The following TMEM182 variants were observed in gnomAD, a reference collection of about 807,000 sequenced individuals.
The protein encoded by TMEM182 is transmembrane protein 182.
Under a neutral mutation model 26.8 loss-of-function variants are expected in TMEM182, and 20 were observed. The ratio of observed to expected loss-of-function variants is 0.75; its 90% CI spans 0.53 to 1.09. TMEM182 has a LOEUF of 1.09. Ranked by LOEUF, TMEM182 falls within the 50% of genes least tolerant of loss-of-function variation. The pLI is 0.00. For synonymous variants in TMEM182, 109 were observed against 102.2 expected (o/e 1.07, Z -0.40); for missense variants, 277 against 275.5 (o/e 1.01, Z -0.04).
intron 3 of TMEM182, among the ~76,000 whole-genome samples, chr2:102,779,642 T>G (rs1218037351): frequency 6.6e-6 from 1 of 152,202 alleles, no homozygotes; most frequent in Non-Finnish European, 1.5e-5. Context: ...ATTTTAGTAA[T>G]TATATCTTCC....
At chr2:102,838,748 C>T (rs763626328) in intron 3 of TMEM182, among the ~76,000 whole-genome samples, 34 of 152,008 alleles carry the variant, frequency 2.2e-4, no homozygotes, top group African/African-American at 8.0e-4. Context: ...GTGGAATGGC[C>T]TGTGGTGAAA....
chr2:102,772,927 T>C (rs1680740653), intron 3 of TMEM182, among the ~76,000 whole-genome samples: 1 of 150,998 alleles, frequency 6.6e-6, no homozygotes, highest in Non-Finnish European at 1.5e-5. Flanking sequence ...AAACACTTTC[T>C]GCTCTCTGAA....
At chr2:102,802,676 T>C (rs1682193764) in intron 4 of TMEM182, among the ~76,000 whole-genome samples, 1 of 152,216 alleles carries the variant, frequency 6.6e-6, no homozygotes, top group Admixed American at 6.5e-5. Flanking sequence ...CATTGGCTTA[T>C]ATGAAGAAAA....
chr2:102,747,867 T>C (rs912951349), intron 1 of TMEM182, among the ~76,000 whole-genome samples: 1 of 152,188 alleles, frequency 6.6e-6, no homozygotes, highest in African/African-American at 2.4e-5. Flanking sequence ...AGATGGAAAA[T>C]GCATTTGTCA....
At chr2:102,746,707 G>A (rs1679710604) in intron 1 of TMEM182, among the ~76,000 whole-genome samples, 1 of 152,002 alleles carries the variant, frequency 6.6e-6, no homozygotes, top group African/African-American at 2.4e-5. Flanking sequence ...TCTTGCCTCA[G>A]CCTCTCGAGT....
At chr2:102,804,140 C>CT (rs918994492) in intron 4 of TMEM182, among the ~76,000 whole-genome samples, 1 of 151,014 alleles carries the variant, frequency 6.6e-6, no homozygotes, top group Non-Finnish European at 1.5e-5. Context: ...ATTTTAGTTT[C>CT]TTTTTTTATT....
chr2:102,829,465 G>A (rs1038799371), intron 3 of TMEM182, among the ~76,000 whole-genome samples: 10 of 152,042 alleles, frequency 6.6e-5, no homozygotes, highest in East Asian at 1.9e-4. Flanking sequence ...TTCTCTTTTC[G>A]CCCCCATCTC....
At chr2:102,767,023 G>A (rs1222863926) in intron 3 of TMEM182, among the ~76,000 whole-genome samples, 2 of 152,156 alleles carry the variant, frequency 1.3e-5, no homozygotes, top group African/African-American at 4.8e-5. Context: ...CTTATTGGCA[G>A]AGCCAGTGCA....
At chr2:102,832,370 G>A (rs905385184) in intron 3 of TMEM182, among the ~76,000 whole-genome samples, 3 of 152,102 alleles carry the variant, frequency 2.0e-5, no homozygotes, top group South Asian at 2.1e-4. Flanking sequence ...AATTCTCATC[G>A]AAAAAGACCT....
chr2:102,795,471 C>G (rs1024299733), intron 3 of TMEM182, among the ~76,000 whole-genome samples: 10 of 152,146 alleles, frequency 6.6e-5, no homozygotes, highest in Non-Finnish European at 1.5e-4. Context: ...AGGCAATCAA[C>G]CAACCCAATC....
intron 1 of TMEM182, among the ~76,000 whole-genome samples, chr2:102,748,060 C>T (rs749988181): frequency 3.3e-5 from 5 of 152,160 alleles, no homozygotes; most frequent in Admixed American, 6.5e-5. Context: ...CCTTCCATTT[C>T]GTAGCTCTCG....
At position 102,762,313 on chromosome 2, in the gene TMEM182, T is replaced by TG; in HGVS notation, c.97dup (p.Ala33GlyfsTer3). 1 of 1,613,978 alleles carries TG rather than the reference T, an allele frequency of 6.2e-7. No homozygotes were observed. Among genetic ancestry groups the TG allele is most frequent in the Non-Finnish European group, 8.5e-7 (1 of 1,179,926 alleles). ...CTTTTGGATCGGATTATTGGCTTCT[T>TG]GCAACTGAAGTGGGGAGATGTTCAG... On this transcript the variant is annotated frameshift_variant, in exon 1 of 5. Transcript: ENST00000412401. LOFTEE classifies it high-confidence loss of function.
chr2:102,838,058 G>A (rs1683279359), intron 3 of TMEM182, among the ~76,000 whole-genome samples: 1 of 152,212 alleles, frequency 6.6e-6, no homozygotes, highest in Non-Finnish European at 1.5e-5. Flanking sequence ...CCCGGAAGCT[G>A]GCCCTGCCCC....
In TMEM182 at chr2:102,764,330, C is replaced by T; in HGVS notation, c.234C>T (p.Thr78=). 6.2e-7 allele frequency: 1 copy of T among 1,613,712 alleles called. No homozygotes were observed. The highest frequency in any genetic ancestry group is 8.5e-7 in the Non-Finnish European group (1 of 1,179,762). ...NDSNIWKFWY[T]NQPPSKNCTH... ...CCATTGTTTTGCTGTTCTTCCTAGC[C>T]AATCAGCCACCGTCCAAGAACTGCA... Residue 78 remains threonine, a splice_region_variant and synonymous_variant, in exon 3 of 5, where the codon ACC becomes ACT. Transcript: ENST00000412401.
downstream of TMEM182, among the ~76,000 whole-genome samples, chr2:102,822,148 G>A (rs1682933220): frequency 6.6e-6 from 1 of 152,080 alleles, no homozygotes; most frequent in Non-Finnish European, 1.5e-5. Flanking sequence ...TTTAAAAACA[G>A]TTAGATTAGG....
intron 3 of TMEM182, among the ~76,000 whole-genome samples, chr2:102,842,325 A>T (rs766905186): frequency 6.6e-6 from 1 of 152,054 alleles, no homozygotes; most frequent in East Asian, 1.9e-4. Flanking sequence ...GATCACCTCA[A>T]TTTCTCCTTC....
chr2:102,799,531 T>G (rs1248872298), intron 4 of TMEM182, among the ~76,000 whole-genome samples: 1 of 152,192 alleles, frequency 6.6e-6, no homozygotes, highest in Middle Eastern at 3.2e-3. Context: ...ATTGTCCATT[T>G]TTATGCTTAG....
In TMEM182 at chr2:102,816,509, C is replaced by CCAA; in HGVS notation, c.*1542_*1544dup. ...CAGGGCATTTTCATGACAGGACTTGCCAATAATAATAATAATAATAATAAT... is the reference window on the plus strand; with the variant it reads ...CAGGGCATTTTCATGACAGGACTTGCCAACAATAATAATAATAATAATAATAAT... On this transcript the variant is annotated 3_prime_UTR_variant, in exon 5 of 5. Transcript: ENST00000412401. The CCAA allele has an allele frequency of 1.3e-6, 1 of 769,808 alleles. No individual in the cohort carries two copies. The highest frequency in any genetic ancestry group is 1.5e-6 in the Non-Finnish European group (1 of 657,848). The allele number at this position is 769,808 out of a possible 1,614,324, so 47.7% of individuals were successfully genotyped here.
chr2:102,786,249 C>G (rs1177167775), intron 3 of TMEM182, among the ~76,000 whole-genome samples: 1 of 122,210 alleles, frequency 8.2e-6, no homozygotes, highest in East Asian at 2.6e-4. Context: ...GAGTCTTACT[C>G]TGTCGCCCAG....
Sources: gnomAD v4.1 joint callset for allele counts (sites outside exome capture counted in the v4.1 genomes callset) on GRCh38, gnomAD v4.1.1 for gene constraint, MANE v1.5 for transcripts, NCBI Gene and HGNC (gene_info 2026-07-23, HGNC 2026-07-21) for gene names.